Variants in NCAM2 observed in about 807,000 individuals in gnomAD.
NCAM2 encodes the protein neural cell adhesion molecule 2, also known as N-CAM-2.
NCAM2 carries 30 observed loss-of-function variants against 98.1 expected under a neutral mutation model. The observed-to-expected ratio is 0.31, with a 90% CI of 0.23 to 0.41. The LOEUF (loss-of-function observed/expected upper bound fraction) is 0.41, where lower values mean the gene tolerates loss of function less well. Among genes scored for constraint, NCAM2 ranks in the 10% least tolerant of loss-of-function variants. The probability of loss-of-function intolerance (pLI) is 1.00; values close to 1 mark genes in which losing one functional copy is unlikely to be tolerated. For missense variants in NCAM2, 867 were observed against 1,005.8 expected (o/e 0.86, Z 1.87); for synonymous variants, 368 against 342.4 (o/e 1.07, Z -0.83).
At chr21:21,066,534 T>C (rs2065441650) in intron 1 of NCAM2, among the ~76,000 whole-genome samples, 1 of 152,186 alleles carries the variant, frequency 6.6e-6, no homozygotes, top group Non-Finnish European at 1.5e-5. Context: ...ATGATGTAGC[T>C]GTGGAAACAC....
At chr21:21,306,664 A>G (rs1361461013) in intron 5 of NCAM2, among the ~76,000 whole-genome samples, 4 of 152,146 alleles carry the variant, frequency 2.6e-5, no homozygotes, top group African/African-American at 7.2e-5. Context: ...TGGGGTATCT[A>G]TCTCCTCAAG....
intron 12 of NCAM2, among the ~76,000 whole-genome samples, chr21:21,455,210 CAAAAAAAAAA>C (rs5842926): frequency 2.4e-4 from 23 of 95,444 alleles, no homozygotes; most frequent in Non-Finnish European, 3.0e-4. Context: ...AACCTATTGG[CAAAAAAAAAA>C]AAAAAAAAAA....
At chr21:21,273,845 A>C (rs2072620439) in intron 1 of NCAM2, among the ~76,000 whole-genome samples, 1 of 152,170 alleles carries the variant, frequency 6.6e-6, no homozygotes, top group Non-Finnish European at 1.5e-5. Flanking sequence ...ATAGCTTGAC[A>C]GGAAAAGTGC....
chr21:21,168,144 G>A (rs2068011876), intron 1 of NCAM2, among the ~76,000 whole-genome samples: 1 of 151,820 alleles, frequency 6.6e-6, no homozygotes, highest in Non-Finnish European at 1.5e-5. Context: ...TGTAAGTCTG[G>A]TTCAACATTT....
At chr21:21,514,685 C>G (rs1988610904) in intron 16 of NCAM2, among the ~76,000 whole-genome samples, 8 of 152,056 alleles carry the variant, frequency 5.3e-5, no homozygotes, top group Admixed American at 5.3e-4. Context: ...ACTCCACACA[C>G]TTTTCAGTTA....
chr21:21,280,169 C>CAT (rs2072876356), intron 1 of NCAM2, among the ~76,000 whole-genome samples: 1 of 150,436 alleles, frequency 6.6e-6, no homozygotes, highest in African/African-American at 2.4e-5. Context: ...AGTTAATTTG[C>CAT]GTGTGTGTGT....
intron 6 of NCAM2, among the ~76,000 whole-genome samples, chr21:21,331,627 G>A (rs537643150): frequency 1.5e-5 from 1 of 67,024 alleles, no homozygotes; most frequent in Non-Finnish European, 3.0e-5. Context: ...TCACTCCGTC[G>A]CCCAGGCTGG....
At chr21:21,257,229 A>G (rs2071708167) in intron 1 of NCAM2, among the ~76,000 whole-genome samples, 1 of 152,240 alleles carries the variant, frequency 6.6e-6, no homozygotes, top group African/African-American at 2.4e-5. Flanking sequence ...AAATTGGAAT[A>G]CAACCAAATT....
chr21:21,339,296 A>G (rs1430852502), intron 8 of NCAM2, among the ~76,000 whole-genome samples: 1 of 152,122 alleles, frequency 6.6e-6, no homozygotes, highest in African/African-American at 2.4e-5. Flanking sequence ...ATGTAGAGAA[A>G]TAGGTACAAA....
intron 16 of NCAM2, among the ~76,000 whole-genome samples, chr21:21,527,873 A>G (rs910539257): frequency 2.6e-5 from 4 of 152,220 alleles, no homozygotes; most frequent in African/African-American, 9.6e-5. Context: ...TTGAAAGTGT[A>G]TGTCTACACC....
chr21:21,031,612 T>C (rs1303015239), intron 1 of NCAM2, among the ~76,000 whole-genome samples: 3 of 152,240 alleles, frequency 2.0e-5, no homozygotes, highest in Non-Finnish European at 4.4e-5. Context: ...ATTTACATCT[T>C]ATAAAGCTGT....
At chr21:21,368,011 G>A (rs2075827453) in intron 8 of NCAM2, among the ~76,000 whole-genome samples, 1 of 151,804 alleles carries the variant, frequency 6.6e-6, no homozygotes, top group South Asian at 2.1e-4. Context: ...CTAGTCTCAT[G>A]TTTTAAATTT....
chr21:21,342,557 C>G (rs922518066), intron 8 of NCAM2, among the ~76,000 whole-genome samples: 13 of 152,142 alleles, frequency 8.5e-5, no homozygotes, highest in African/African-American at 2.9e-4. Context: ...TGGCAGCAGG[C>G]TTTCTCCACA....
At chr21:21,201,977 T>C (rs2069241551) in intron 1 of NCAM2, among the ~76,000 whole-genome samples, 1 of 152,162 alleles carries the variant, frequency 6.6e-6, no homozygotes, top group Non-Finnish European at 1.5e-5. Context: ...TGAGAATCAG[T>C]ATCTGGGATG....
chr21:21,406,159 G>A (rs1216763733), intron 9 of NCAM2, among the ~76,000 whole-genome samples: 1 of 152,142 alleles, frequency 6.6e-6, no homozygotes, highest in Non-Finnish European at 1.5e-5. Flanking sequence ...ACACAATAGT[G>A]CTCAAGACTA....
chr21:21,362,131 A>G (rs1276967074), intron 8 of NCAM2, among the ~76,000 whole-genome samples: 1 of 150,330 alleles, frequency 6.7e-6, no homozygotes, highest in Non-Finnish European at 1.5e-5. Context: ...TTTTTTTTGG[A>G]TGGGTTACAG....
At chr21:21,338,565 A>G in intron 8 of NCAM2, 31 bp downstream of exon 8, 1 of 1,522,494 alleles carries the variant, frequency 6.6e-7, no homozygotes, top group Non-Finnish European at 8.8e-7. Context: ...AATGGTTTCC[A>G]TTACCATGCA....
intron 1 of NCAM2, among the ~76,000 whole-genome samples, chr21:21,208,620 A>G (rs935159274): frequency 1.1e-4 from 16 of 152,068 alleles, no homozygotes; most frequent in African/African-American, 3.9e-4. Flanking sequence ...TCAGATTCTG[A>G]TTCTAAAACC....
chr21:21,471,203 AC>A (rs1255759870), intron 14 of NCAM2, among the ~76,000 whole-genome samples: 2 of 151,956 alleles, frequency 1.3e-5, no homozygotes, highest in Non-Finnish European at 2.9e-5. Context: ...GTTTCTCTTG[AC>A]CATATCACTT....
Sources: allele counts gnomAD v4.1 joint callset (sites outside exome capture counted in the v4.1 genomes callset), GRCh38; gene constraint gnomAD v4.1.1; transcripts MANE v1.5; gene names NCBI Gene and HGNC (gene_info 2026-07-23, HGNC 2026-07-21).